Variants in MGAM2 observed in about 807,000 individuals in gnomAD.
MGAM2 encodes maltase-glucoamylase 2 (putative).
Under a neutral mutation model 96.1 loss-of-function variants are expected in MGAM2, and 98 were observed. The observed-to-expected ratio is 1.02, with a 90% CI of 0.87 to 1.21. MGAM2 has a LOEUF of 1.21. Ranked by LOEUF, MGAM2 falls within the 50% of genes most tolerant of loss-of-function variation. The pLI, the probability that MGAM2 is intolerant of heterozygous loss-of-function variation, is 0.00. For synonymous variants in MGAM2, 749 were observed against 414.8 expected (o/e 1.81, Z -9.79); for missense variants, 2,055 against 1,182.4 (o/e 1.74, Z -10.82).
At chr7:142,172,048 A>G (rs1474382655) in intron 28 of MGAM2, 50 bp from the exon 29 acceptor site, 3 of 652,716 alleles carry the variant, frequency 4.6e-6, no homozygotes, top group Admixed American at 4.2e-5. Flanking sequence ...TTATGGTATG[A>G]AAACAATATC....
chr7:142,221,405 C>A lies in MGAM2; in HGVS notation c.6894C>A (p.Thr2298=). The A allele has an allele frequency of 1.7e-6, 1 of 602,474 alleles. No homozygotes were observed. The highest frequency in any genetic ancestry group is 2.7e-5 in the East Asian group (1 of 36,484). 37.3% of individuals were successfully genotyped at this position (602,474 alleles called of 1,614,324 possible). A position where few individuals can be genotyped will look rare whatever the true frequency, so the allele number is the denominator to read the frequency against. Residue 2298 remains threonine, a synonymous_variant, in exon 48 of 48, where the codon ACC becomes ACA. Coordinates refer to ENST00000477922, the MANE Select transcript of MGAM2 (RefSeq NM_001293626.2). ...GMTTYYQTSP[T]IPTHTLTSIP... is the part of the protein sequence containing the mutation. ...CTACTTATTACCAGACTTCTCCTACCATTCCTACCCATACTCTTACTTCTA... is the reference window on the plus strand; with the variant it reads ...CTACTTATTACCAGACTTCTCCTACAATTCCTACCCATACTCTTACTTCTA...
intron 7 of MGAM2, among the ~76,000 whole-genome samples, chr7:142,136,135 G>C (rs1412820622): frequency 1.3e-5 from 2 of 152,096 alleles, no homozygotes; most frequent in Non-Finnish European, 2.9e-5. Context: ...TCTGCCCTTT[G>C]AGACTTAAAC....
At chr7:142,167,192 G>A (rs1796053502) in intron 25 of MGAM2, 76 bp from the exon 26 acceptor site, 2 of 618,500 alleles carry the variant, frequency 3.2e-6, no homozygotes, top group South Asian at 1.8e-5. Context: ...CTTAGTCTGT[G>A]TTAACCAACT....
intron 34 of MGAM2, among the ~76,000 whole-genome samples, chr7:142,185,534 T>G (rs1796667093): frequency 1.3e-5 from 2 of 152,172 alleles, no homozygotes; most frequent in Admixed American, 6.5e-5. Flanking sequence ...GGAAAGTTGT[T>G]AATCTCAGCC....
At chr7:142,187,961 A>G (rs976956790) in intron 36 of MGAM2, 127 bp downstream of exon 36, 12 of 603,586 alleles carry the variant, frequency 2.0e-5, no homozygotes, top group Middle Eastern at 4.3e-4. Flanking sequence ...ATGAAATCCC[A>G]AGTAAGATAA....
intron 21 of MGAM2, 105 bp from the exon 22 acceptor site, chr7:142,161,020 T>C: frequency 1.7e-6 from 1 of 594,784 alleles, no homozygotes; most frequent in Non-Finnish European, 3.1e-6. Context: ...ACTCAGTTTC[T>C]GGTATAGACT....
chr7:142,114,963 CCCAGCACTT>C (rs1817337124), intron 1 of MGAM2, among the ~76,000 whole-genome samples: 1 of 152,098 alleles, frequency 6.6e-6, no homozygotes, highest in South Asian at 2.1e-4. Context: ...ATGCTGTAAT[CCCAGCACTT>C]TGGGAGGCCG....
At chr7:142,139,847 G>A (rs896846396) in intron 10 of MGAM2, among the ~76,000 whole-genome samples, 3 of 151,770 alleles carry the variant, frequency 2.0e-5, no homozygotes. Flanking sequence ...TGTCAAAGGG[G>A]AATTGATTGT....
intron 23 of MGAM2, among the ~76,000 whole-genome samples, chr7:142,163,024 A>G (rs913772779): frequency 6.6e-6 from 1 of 152,124 alleles, no homozygotes; most frequent in Non-Finnish European, 1.5e-5. Context: ...AGTGTTCTGT[A>G]AAGAGAACTA....
At chr7:142,172,881 A>G in intron 30 of MGAM2, 117 bp downstream of exon 30, 1 of 569,560 alleles carries the variant, frequency 1.8e-6, no homozygotes, top group Non-Finnish European at 3.1e-6. Flanking sequence ...CTACTAGATT[A>G]TTACTGCCTT....
intron 45 of MGAM2, among the ~76,000 whole-genome samples, chr7:142,201,082 C>CTTTTTTTTTTTTTT (rs1314170979): frequency 3.4e-4 from 37 of 108,544 alleles, no homozygotes; most frequent in East Asian, 1.4e-3. Context: ...TTTTTTTTTT[C>CTTTTTTTTTTTTTT]TTTTTTTTTT....
At chr7:142,115,714 G>A (rs1025157602) in intron 1 of MGAM2, among the ~76,000 whole-genome samples, 17 of 151,928 alleles carry the variant, frequency 1.1e-4, no homozygotes, top group Non-Finnish European at 1.6e-4. Context: ...GCATGGTGAC[G>A]CATGCCTGTA....
chr7:142,147,611 G>A, intron 15 of MGAM2, 38 bp downstream of exon 15: 3 of 678,088 alleles, frequency 4.4e-6, no homozygotes, highest in Non-Finnish European at 8.0e-6. Context: ...CAGATATGTG[G>A]AGGTGGGAGG....
chr7:142,183,545 C>T (rs780202013), intron 33 of MGAM2, among the ~76,000 whole-genome samples, 172 bp downstream of exon 33: 3 of 152,172 alleles, frequency 2.0e-5, no homozygotes, highest in Non-Finnish European at 2.9e-5. Flanking sequence ...GGTTACAAAT[C>T]TCATCCTCTA....
At chr7:142,170,660 G>A (rs1796158537) in intron 27 of MGAM2, among the ~76,000 whole-genome samples, 1 of 152,260 alleles carries the variant, frequency 6.6e-6, no homozygotes. Context: ...AAGCCTTCAA[G>A]CCTTTTCACA....
intron 7 of MGAM2, among the ~76,000 whole-genome samples, chr7:142,135,065 C>T (rs1008165782): frequency 6.6e-6 from 1 of 151,872 alleles, no homozygotes; most frequent in Non-Finnish European, 1.5e-5. Flanking sequence ...GTCTTGAAGC[C>T]TCCATTGTGC....
intron 40 of MGAM2, 91 bp from the exon 41 acceptor site, chr7:142,197,309 A>C: frequency 1.5e-6 from 1 of 652,466 alleles, no homozygotes; most frequent in South Asian, 1.7e-5. Flanking sequence ...TGTAACCTAC[A>C]TTTTGAATAA....
At chr7:142,142,045 T>C (rs1205416862) in intron 12 of MGAM2, among the ~76,000 whole-genome samples, 3 of 152,210 alleles carry the variant, frequency 2.0e-5, no homozygotes, top group South Asian at 2.1e-4. Flanking sequence ...GCAGATCTTG[T>C]TGCTCCTGAG....
intron 45 of MGAM2, among the ~76,000 whole-genome samples, chr7:142,201,074 T>TTC (rs1563291859): frequency 1.7e-5 from 2 of 119,012 alleles, no homozygotes; most frequent in African/African-American, 3.6e-5. Context: ...CCTTTTTCTT[T>TTC]TTTTTTTCTT....
Sources: allele counts gnomAD v4.1 joint callset (sites outside exome capture counted in the v4.1 genomes callset), GRCh38; gene constraint gnomAD v4.1.1; transcripts MANE v1.5; gene names NCBI Gene and HGNC (gene_info 2026-07-23, HGNC 2026-07-21).